The following CEP290 variants were observed in gnomAD, a reference collection of about 807,000 sequenced individuals.
CEP290 encodes the protein centrosomal protein 290.
In CEP290, 317 loss-of-function variants were observed where a neutral mutation model predicts 344.9. That is an observed-to-expected ratio of 0.92 (90% CI 0.84 to 1.01). CEP290 has a LOEUF of 1.01. Among genes scored for constraint, CEP290 ranks in the 50% least tolerant of loss-of-function variants. The probability of loss-of-function intolerance (pLI) is 0.00; values close to 1 mark genes in which losing one functional copy is unlikely to be tolerated. For synonymous variants in CEP290, 932 were observed against 895.8 expected, an observed-to-expected ratio of 1.04 and a Z score of -0.72; for missense variants, 2,754 against 2,761.4, an observed-to-expected ratio of 1.00 and a Z score of 0.06.
intron 49 of CEP290, 63 bp from the exon 50 acceptor site, chr12:88,055,780 C>T (rs2033953824): frequency 4.3e-6 from 5 of 1,157,628 alleles, no homozygotes; most frequent in Middle Eastern, 2.6e-4. Flanking sequence ...ATTTAAAAGT[C>T]AGTTCAAATA....
chr12:88,082,953 G>C, intron 37 of CEP290, 78 bp downstream of exon 37: 1 of 804,732 alleles, frequency 1.2e-6, no homozygotes, highest in Non-Finnish European at 1.9e-6. Context: ...ACAGTGCCTG[G>C]CATAGCAAAC....
At chr12:88,126,085 C>T (rs1049535478) in intron 12 of CEP290, among the ~76,000 whole-genome samples, 17 of 151,974 alleles carry the variant, frequency 1.1e-4, no homozygotes, top group Admixed American at 9.8e-4. Context: ...TCCACATAAA[C>T]ATAGAAAAAT....
chr12:88,057,237 A>G lies in CEP290; in HGVS notation c.6819-1520T>C, dbSNP rs1320808453. ...GAAAGGATATAATTTACTTAAGATC[A>G]TAGTAAGAATTAGGGTCTTTCAAAA... On this transcript the variant is annotated intron_variant, in intron 49 of 53. Coordinates refer to ENST00000552810, the MANE Select transcript of CEP290 (RefSeq NM_025114.4). Among the ~76,000 whole-genome samples the G allele has an allele frequency of 5.3e-5, 8 of 152,340 alleles. No homozygotes were observed. In the East Asian group the frequency reaches 9.6e-4, roughly 18 times the overall value.
intron 3 of CEP290, among the ~76,000 whole-genome samples, chr12:88,140,174 T>C (rs952958397): frequency 2.0e-5 from 3 of 152,328 alleles, no homozygotes; most frequent in South Asian, 2.1e-4. Flanking sequence ...CCCTTTGTAA[T>C]GTCTTTCCAC....
Position 88,130,423 on chromosome 12 carries a change from G to A in CEP290, c.517-3C>T. ...ATATCCTGACAAAGTTGTTCATTCT[G>A]AAGGTAACCAAACACAACATTCAAT... On this transcript the variant is annotated splice_region_variant and splice_polypyrimidine_tract_variant and intron_variant, in intron 8 of 53. Transcript: ENST00000552810. 2 of 1,602,714 alleles carry A rather than the reference G, an allele frequency of 1.2e-6. No homozygotes were observed. The highest frequency in any genetic ancestry group is 2.3e-5 in the South Asian group (2 of 88,078).
intron 38 of CEP290, 28 bp from the exon 39 acceptor site, chr12:88,079,257 A>AT (rs1592814117): frequency 6.5e-7 from 1 of 1,547,932 alleles, no homozygotes; most frequent in East Asian, 2.4e-5. Flanking sequence ...AAAAAATGTA[A>AT]TTTTTAAAGG....
chr12:88,109,144 T>C lies in CEP290; in HGVS notation c.2405A>G (p.Glu802Gly). 7.0e-7 allele frequency: 1 copy of C among 1,432,404 alleles called. No individual in the cohort carries two copies. Among genetic ancestry groups the C allele is most frequent in the Non-Finnish European group, 9.4e-7 (1 of 1,068,400 alleles). The allele number at this position is 1,432,404 out of a possible 1,614,324, so 88.7% of individuals were successfully genotyped here. A position where few individuals can be genotyped will look rare whatever the true frequency, so the allele number is the denominator to read the frequency against. ...TCTGTTGTAATCTTCAAGAGAATCT[T>C]CTAAATTCTTTAACTTTTTTTCTTT... is the stretch of plus-strand genomic sequence containing the variant. ...ENKEKKLKNL[E>G]DSLEDYNRKF... The change falls in exon 23 of 54, where the codon GAA (glutamate) becomes GGA (glycine). Residue 802 changes from glutamate to glycine, a missense_variant. Coordinates refer to ENST00000552810, the MANE Select transcript of CEP290 (RefSeq NM_025114.4).
rs2138257277 is a variant in CEP290, at chr12:88,139,137, A to T, written c.297+8T>A. On this transcript the variant is annotated splice_region_variant and intron_variant, in intron 5 of 53. Transcript: ENST00000552810. ...CAATTACATCCTAGGGAATACAAAA[A>T]GACATACCTCCAGTTCATTTTCCAG... The T allele has an allele frequency of 8.6e-7, 1 of 1,165,378 alleles. No homozygotes were observed. The highest frequency in any genetic ancestry group is 1.2e-6 in the Non-Finnish European group (1 of 827,322). The allele number at this position is 1,165,378 out of a possible 1,614,324, so 72.2% of individuals were successfully genotyped here. A position where few individuals can be genotyped will look rare whatever the true frequency, so the allele number is the denominator to read the frequency against.
chr12:88,122,784 C>T (rs570119238), intron 13 of CEP290, among the ~76,000 whole-genome samples: 3 of 152,236 alleles, frequency 2.0e-5, no homozygotes, highest in East Asian at 3.9e-4. Flanking sequence ...ATAATAAACA[C>T]ATAAATAGAA....
chr12:88,131,930 A>T (rs904951857), intron 6 of CEP290, among the ~76,000 whole-genome samples: 3 of 152,170 alleles, frequency 2.0e-5, no homozygotes, highest in African/African-American at 7.2e-5. Context: ...ATACAACACA[A>T]TGGTTAAAAG....
At chr12:88,138,493 C>A (rs2040463004) in intron 5 of CEP290, among the ~76,000 whole-genome samples, 1 of 152,128 alleles carries the variant, frequency 6.6e-6, no homozygotes, top group South Asian at 2.1e-4. Context: ...GACTCCAGAT[C>A]CCCAACTCTC....
At position 88,084,849 on chromosome 12, in the gene CEP290, G is replaced by A. The variant is rs1220385672; in HGVS notation, c.4441C>T (p.Leu1481=). 2 of 1,533,696 alleles carry A rather than the reference G, an allele frequency of 1.3e-6. No individual in the cohort carries two copies. The highest frequency in any genetic ancestry group is 2.4e-5 in the Admixed American group (1 of 42,530). The change falls in exon 35 of 54, where the codon CTA becomes TTA. Residue 1481 remains leucine (L), a synonymous_variant. Transcript: ENST00000552810. ...RATCKSLEEK[L]KEKESALRLA... is the part of the protein sequence containing the mutation. ...CTTAAAGCAGATTCTTTCTCTTTTAGTTTCTGCAATGATTAAATTATAATA... is the reference window on the plus strand; with the variant it reads ...CTTAAAGCAGATTCTTTCTCTTTTAATTTCTGCAATGATTAAATTATAATA...
intron 27 of CEP290, among the ~76,000 whole-genome samples, chr12:88,094,915 A>G (rs894366713): frequency 2.6e-5 from 4 of 151,950 alleles, no homozygotes; most frequent in African/African-American, 9.7e-5. Flanking sequence ...AGTAATATAC[A>G]TTTCCTGAAA....
At position 88,109,115 on chromosome 12, in the gene CEP290, AT is replaced by A. The variant is rs2137663442; in HGVS notation, c.2433del (p.Lys811AsnfsTer4). 6.8e-7 allele frequency: 1 copy of A among 1,471,310 alleles called. No individual in the cohort carries two copies. The highest frequency in any genetic ancestry group is 9.1e-7 in the Non-Finnish European group (1 of 1,097,456). 91.1% of individuals were successfully genotyped at this position (1,471,310 alleles called of 1,614,324 possible). A position where few individuals can be genotyped will look rare whatever the true frequency, so the allele number is the denominator to read the frequency against. On this transcript the variant is annotated frameshift_variant, in exon 23 of 54. Transcript: ENST00000552810. LOFTEE classifies it high-confidence loss of function. ...LEDSLEDYNR[K>X]FAVIRHQQSL... ...CTTTGTTGATGACGAATTACAGCAA[AT>A]TTTCTGTTGTAATCTTCAAGAGAAT...
At chr12:88,071,247 C>A (rs780001887) in intron 43 of CEP290, 47 bp downstream of exon 43, 1 of 1,469,988 alleles carries the variant, frequency 6.8e-7, no homozygotes, top group South Asian at 1.2e-5. Flanking sequence ...TAGGGGTCAA[C>A]CAGTTTTTCA....
At chr12:88,061,801 T>TG (rs1215105968) in intron 46 of CEP290, among the ~76,000 whole-genome samples, 1 of 151,840 alleles carries the variant, frequency 6.6e-6, no homozygotes, top group Non-Finnish European at 1.5e-5. Context: ...TTTTAAAAGA[T>TG]GGAGTCTCGC....
chr12:88,076,812 T>C (rs963890034), intron 41 of CEP290, among the ~76,000 whole-genome samples: 26 of 151,980 alleles, frequency 1.7e-4, no homozygotes, highest in Admixed American at 1.6e-3. Context: ...AAGGACCTAT[T>C]TGGGTCAAAG....
chr12:88,121,288 T>A (rs1338764699), intron 13 of CEP290, 122 bp from the exon 14 acceptor site: 2 of 672,636 alleles, frequency 3.0e-6, no homozygotes, highest in Non-Finnish European at 4.8e-6. Flanking sequence ...AAGTTGTCAT[T>A]TTATATTTGT....
At position 88,060,983 on chromosome 12, in the gene CEP290, A is replaced by C. The variant is rs750473077; in HGVS notation, c.6369T>G (p.Ser2123Arg). The change falls in exon 47 of 54, where the codon AGT (serine) becomes AGG (arginine). Residue 2123 changes from serine to arginine, a missense_variant. Ser to Arg is a moderately radical substitution (Grantham distance 110). Coordinates refer to ENST00000552810, the MANE Select transcript of CEP290 (RefSeq NM_025114.4). ...TTTCCAGTTCTGGGATTGTCTTTCCACTTCTACCAGACTACGAAAGAATAT... is the reference window on the plus strand; with the variant it reads ...TTTCCAGTTCTGGGATTGTCTTTCCCCTTCTACCAGACTACGAAAGAATAT... ...KLGHVRGSGRSGKTIPELEKT... is the reference protein window; with the variant it reads ...KLGHVRGSGRRGKTIPELEKT... 4.5e-6 allele frequency: 7 copies of C among 1,553,166 alleles called. No homozygotes were observed. The highest frequency in any genetic ancestry group is 1.4e-5 in the African/African-American group (1 of 73,120).
Sources: allele counts gnomAD v4.1 joint callset (sites outside exome capture counted in the v4.1 genomes callset), GRCh38; gene constraint gnomAD v4.1.1; transcripts MANE v1.5; gene names NCBI Gene and HGNC (gene_info 2026-07-23, HGNC 2026-07-21).